Variants in UTRN observed in about 807,000 individuals in gnomAD.
UTRN encodes utrophin.
UTRN carries 283 observed loss-of-function variants against 463.9 expected under a neutral mutation model. The observed-to-expected ratio is 0.61, with a 90% CI of 0.55 to 0.67. The LOEUF (loss-of-function observed/expected upper bound fraction) is 0.67, where lower values mean the gene tolerates loss of function less well. UTRN is among the 30% of genes least tolerant of loss of function. The probability of loss-of-function intolerance (pLI) is 0.00; values close to 1 mark genes in which losing one functional copy is unlikely to be tolerated. For missense variants in UTRN, 3,922 were observed against 4,084.3 expected (o/e 0.96, Z 1.08); for synonymous variants, 1,442 against 1,431.5 (o/e 1.01, Z -0.17).
At position 144,531,062 on chromosome 6, in the gene UTRN, A is replaced by G; in HGVS notation, c.5917A>G (p.Arg1973Gly). 1 of 1,613,756 alleles carries G rather than the reference A, an allele frequency of 6.2e-7. No homozygotes were observed. The highest frequency in any genetic ancestry group is 1.7e-4 in the Middle Eastern group (1 of 6,054). ...TGTATTGTCCTCTAGTTGTTTTGACAGGGCAATGGAAGAATGGAGACAGTT... is the reference window on the plus strand; with the variant it reads ...TGTATTGTCCTCTAGTTGTTTTGACGGGGCAATGGAAGAATGGAGACAGTT... ...MYSDRKGCFD[R>G]AMEEWRQFHC... is the part of the protein sequence containing the mutation. Residue 1973 changes from arginine to glycine, a missense_variant, in exon 42 of 75, where the codon AGG (arginine) becomes GGG (glycine). By Grantham distance (125) the Arg-to-Gly change is moderately radical. This residue lies in a region of UTRN where 2,349 missense variants were observed against 2,303.8 expected (regional missense o/e 1.02). Transcript: ENST00000367545.
At chr6:144,625,584 G>A (rs1457962181) in intron 51 of UTRN, among the ~76,000 whole-genome samples, 1 of 152,224 alleles carries the variant, frequency 6.6e-6, no homozygotes, top group Non-Finnish European at 1.5e-5. Context: ...GGAAGTGGTT[G>A]AAAAGCCGGA....
At chr6:144,809,133 T>C (rs1778391917) in intron 65 of UTRN, among the ~76,000 whole-genome samples, 1 of 152,160 alleles carries the variant, frequency 6.6e-6, no homozygotes, top group Non-Finnish European at 1.5e-5. Context: ...AGTTGGAGAG[T>C]TCTTCTTTAA....
intron 46 of UTRN, among the ~76,000 whole-genome samples, chr6:144,543,246 C>T (rs1357516613): frequency 6.6e-6 from 1 of 152,140 alleles, no homozygotes; most frequent in African/African-American, 2.4e-5. Flanking sequence ...GCTTGGTTAA[C>T]ATATGTAATT....
intron 65 of UTRN, among the ~76,000 whole-genome samples, chr6:144,805,679 A>T (rs1307716174): frequency 6.6e-6 from 1 of 152,168 alleles, no homozygotes; most frequent in Admixed American, 6.5e-5. Flanking sequence ...AGTTGGCAAC[A>T]TCAGAGGAGT....
intron 51 of UTRN, among the ~76,000 whole-genome samples, chr6:144,633,692 T>G (rs988508101): frequency 1.3e-5 from 2 of 152,196 alleles, no homozygotes; most frequent in South Asian, 4.1e-4. Context: ...TACCATTTAA[T>G]GGGCTGCACT....
chr6:144,285,849 G>C (rs1290514742), intron 1 of UTRN, 28 bp downstream of exon 1: 1 of 152,204 alleles, frequency 6.6e-6, no homozygotes, highest in Non-Finnish European at 1.5e-5. Context: ...TGAAGCCTCG[G>C]GCTGGTAATG....
chr6:144,469,871 C>A (rs918089740), intron 23 of UTRN, among the ~76,000 whole-genome samples: 1 of 151,878 alleles, frequency 6.6e-6, no homozygotes, highest in Non-Finnish European at 1.5e-5. Flanking sequence ...GTTTGTGTCC[C>A]TGGGTACTTG....
At chr6:144,486,620 C>G (rs1273211397) in intron 28 of UTRN, among the ~76,000 whole-genome samples, 1 of 152,024 alleles carries the variant, frequency 6.6e-6, no homozygotes, top group East Asian at 1.9e-4. Flanking sequence ...CTCCTGAGTT[C>G]AAGCAATTCT....
chr6:144,462,889 G>C (rs1218210751), intron 23 of UTRN, 23 bp downstream of exon 23: 1 of 1,558,102 alleles, frequency 6.4e-7, no homozygotes, highest in South Asian at 1.2e-5. Flanking sequence ...GCCACTGGGA[G>C]TTTAAGTTTA....
chr6:144,540,042 CAAA>C (rs34524619), intron 45 of UTRN, among the ~76,000 whole-genome samples: 3 of 121,288 alleles, frequency 2.5e-5, no homozygotes, highest in African/African-American at 2.9e-5. Context: ...GACCCTGTCT[CAAA>C]AAAAAAAAAA....
chr6:144,405,143 G>T (rs1386925795), intron 3 of UTRN, among the ~76,000 whole-genome samples: 9 of 152,232 alleles, frequency 5.9e-5, no homozygotes, highest in Non-Finnish European at 1.5e-5. Context: ...AGTGTTTGGA[G>T]ATGGTGTTTG....
intron 45 of UTRN, among the ~76,000 whole-genome samples, chr6:144,542,037 A>G (rs1239077370): frequency 2.6e-5 from 4 of 152,166 alleles, no homozygotes; most frequent in Non-Finnish European, 4.4e-5. Flanking sequence ...ATCACAAGGA[A>G]TTTGAGCTCC....
chr6:144,322,039 C>T (rs1052158873), intron 2 of UTRN, among the ~76,000 whole-genome samples: 2 of 152,192 alleles, frequency 1.3e-5, no homozygotes, highest in Non-Finnish European at 2.9e-5. Context: ...CCTGGGATTA[C>T]GGGCGTGAGC....
intron 51 of UTRN, among the ~76,000 whole-genome samples, chr6:144,622,173 T>A (rs1389830507): frequency 1.4e-5 from 2 of 139,744 alleles, no homozygotes; most frequent in Non-Finnish European, 3.0e-5. Context: ...TGGTATCCAT[T>A]TTTTTTTGTT....
At position 144,495,778 on chromosome 6, in the gene UTRN, C is replaced by T. The variant is rs117854770; in HGVS notation, c.4593+2322C>T. ...CCAAATTTCAATGGATAGCAGTAGC[C>T]GGTGTTGGCTTTTTTCTAGTCGCAA... is the stretch of plus-strand genomic sequence containing the variant. On this transcript the variant is annotated intron_variant, in intron 33 of 74. Transcript: ENST00000367545. 2.5e-3 allele frequency among the ~76,000 whole-genome samples: 373 copies of T among 152,224 alleles called. 13 individuals are homozygous for T. The East Asian group carries it at 0.057, about 23-fold the overall frequency.
intron 63 of UTRN, 54 bp downstream of exon 63, chr6:144,794,045 A>T: frequency 6.3e-7 from 1 of 1,583,178 alleles, no homozygotes; most frequent in East Asian, 2.3e-5. Flanking sequence ...GGTTTTGAGG[A>T]TGTTCTGAGA....
intron 54 of UTRN, among the ~76,000 whole-genome samples, chr6:144,735,707 TAAAGCAGTAC>T (rs1207638932): frequency 6.6e-6 from 1 of 152,138 alleles, no homozygotes; most frequent in Non-Finnish European, 1.5e-5. Context: ...AAAGCTACTT[TAAAGCAGTAC>T]AAAGTGTTAC....
Position 144,318,580 on chromosome 6 carries a change from C to T in UTRN, c.79+26673C>T, listed in dbSNP as rs188831229. On this transcript the variant is annotated intron_variant, in intron 2 of 74. Transcript: ENST00000367545. Reference sequence around the variant, plus strand: ...CCGGGTTCAGGTGATCCTCATGCCTCAGCCTCCCGAGTAGCTGGGATTATA... The same window carrying T: ...CCGGGTTCAGGTGATCCTCATGCCTTAGCCTCCCGAGTAGCTGGGATTATA... Among the ~76,000 whole-genome samples, 91 of 152,340 alleles carry T rather than the reference C, an allele frequency of 6.0e-4. No homozygotes were observed. In the East Asian group the frequency reaches 0.012, roughly 19 times the overall value.
intron 74 of UTRN, among the ~76,000 whole-genome samples, chr6:144,850,402 T>C (rs564385977): frequency 6.6e-6 from 1 of 152,310 alleles, no homozygotes; most frequent in East Asian, 1.9e-4. Context: ...GCACTTTTTT[T>C]TTATTTTTTT....
Sources: gnomAD v4.1 joint callset for allele counts (sites outside exome capture counted in the v4.1 genomes callset) on GRCh38, gnomAD v4.1.1 for gene constraint, gnomAD v4.1.1 regional missense constraint, MANE v1.5 for transcripts, NCBI Gene and HGNC (gene_info 2026-07-23, HGNC 2026-07-21) for gene names.